The following TRIM24 variants were observed in gnomAD, a reference collection of about 807,000 sequenced individuals.
TRIM24 encodes the protein transcription intermediary factor 1-alpha.
In TRIM24, 29 loss-of-function variants were observed where a neutral mutation model predicts 123.9. The ratio of observed to expected loss-of-function variants is 0.23; its 90% confidence interval spans 0.17 to 0.32. TRIM24 has a LOEUF of 0.32. TRIM24 is among the 10% of genes least tolerant of loss of function. The probability of loss-of-function intolerance (pLI) is 1.00; values close to 1 mark genes in which losing one functional copy is unlikely to be tolerated. For synonymous variants in TRIM24, 456 were observed against 461.1 expected, an observed-to-expected ratio of 0.99 and a Z score of 0.14; for missense variants, 932 against 1,295.3, an observed-to-expected ratio of 0.72 and a Z score of 4.31.
intron 1 of TRIM24, among the ~76,000 whole-genome samples, chr7:138,488,850 G>A (rs1170208587): frequency 6.6e-6 from 1 of 152,180 alleles, no homozygotes; most frequent in Non-Finnish European, 1.5e-5. Context: ...GAGTTCTGTA[G>A]ATGTCTCTTA....
intron 18 of TRIM24, among the ~76,000 whole-genome samples, chr7:138,584,376 C>G (rs1193410341): frequency 1.3e-5 from 2 of 152,184 alleles, no homozygotes; most frequent in Admixed American, 6.5e-5. Context: ...ATCAGTCAGA[C>G]TTAGAACCTT....
chr7:138,490,429 G>A (rs749003910), intron 1 of TRIM24, among the ~76,000 whole-genome samples: 7 of 152,136 alleles, frequency 4.6e-5, no homozygotes, highest in Non-Finnish European at 7.3e-5. Context: ...GAGAAGAGGC[G>A]CTCTGGTTTT....
At chr7:138,508,883 C>T (rs953976944) in intron 2 of TRIM24, among the ~76,000 whole-genome samples, 37 of 151,986 alleles carry the variant, frequency 2.4e-4, no homozygotes, top group East Asian at 1.9e-4. Context: ...CAGTATGGTA[C>T]GGTGGGTGCT....
intron 9 of TRIM24, among the ~76,000 whole-genome samples, chr7:138,566,119 A>G (rs552138798): frequency 1.3e-5 from 2 of 152,210 alleles, no homozygotes; most frequent in East Asian, 3.9e-4. Context: ...GTACAGGGAA[A>G]CTTGTTTTTC....
At chr7:138,558,112 C>T (rs911118825) in intron 9 of TRIM24, among the ~76,000 whole-genome samples, 6 of 152,140 alleles carry the variant, frequency 3.9e-5, no homozygotes, top group African/African-American at 9.7e-5. Context: ...GGCAGCTGCC[C>T]ATATGCCCAT....
intron 16 of TRIM24, among the ~76,000 whole-genome samples, 186 bp downstream of exon 16, chr7:138,580,880 GAATT>G (rs1284999299): frequency 2.6e-5 from 4 of 151,890 alleles, no homozygotes; most frequent in African/African-American, 9.7e-5. Flanking sequence ...AAAAATCACA[GAATT>G]AATGCATGTA....
At chr7:138,496,204 G>A (rs939973039) in intron 1 of TRIM24, among the ~76,000 whole-genome samples, 6 of 152,170 alleles carry the variant, frequency 3.9e-5, no homozygotes, top group East Asian at 1.9e-4. Context: ...AATCTCAACT[G>A]TGTTGAGTCT....
chr7:138,507,018 C>T (rs10237720), intron 2 of TRIM24, among the ~76,000 whole-genome samples: 3 of 152,026 alleles, frequency 2.0e-5, no homozygotes, highest in East Asian at 1.9e-4. Flanking sequence ...CTTTCACAGA[C>T]ATCATGATAA....
Position 138,568,379 on chromosome 7 carries a change from C to CTTTTTTTTTT in TRIM24, c.1704+746_1704+755dup, listed in dbSNP as rs60386130. The stretch of plus-strand genomic sequence containing the variant: ...CTCGTAAGCCACCGTACCTGGCCTC[C>CTTTTTTTTTT]TTTTTTTTTTTTTTTTTTTTTTTTT... On this transcript the variant is annotated intron_variant, in intron 10 of 18. Coordinates refer to ENST00000343526, the MANE Select transcript of TRIM24 (RefSeq NM_015905.3). 3.9e-3 allele frequency among the ~76,000 whole-genome samples: 268 copies of CTTTTTTTTTT among 68,690 alleles called. 26 individuals carry two copies. Among genetic ancestry groups the CTTTTTTTTTT allele is most frequent in the East Asian group, 0.027 (43 of 1,610 alleles). 45.1% of individuals were successfully genotyped at this position (68,690 alleles called of 152,430 possible). A position where few individuals can be genotyped will look rare whatever the true frequency, so the allele number is the denominator to read the frequency against.
rs1398993648 is a variant in TRIM24 at position 138,460,728 on chromosome 7, C to T, written c.180C>T (p.His60=). 6.4e-7 allele frequency: 1 copy of T among 1,573,584 alleles called. No individual in the cohort carries two copies. The change falls in exon 1 of 19, where the codon CAC becomes CAT. Residue 60 remains histidine, a synonymous_variant. Coordinates refer to ENST00000343526, the MANE Select transcript of TRIM24 (RefSeq NM_015905.3). ...TGTTGGACACTTGCGCCGTGTGCCA[C>T]CAGAACATCCAGAGCCGGGCGCCCA... ...LNLLDTCAVC[H]QNIQSRAPKL...
At chr7:138,538,918 A>G (rs902214524) in intron 7 of TRIM24, 115 bp downstream of exon 7, 2 of 916,218 alleles carry the variant, frequency 2.2e-6, no homozygotes, top group Non-Finnish European at 3.0e-6. Flanking sequence ...CCTATTTCTA[A>G]TATCTATCAA....
Position 138,525,057 on chromosome 7 carries a change from A to G in TRIM24, c.765-184A>G, listed in dbSNP as rs537502249. 3.9e-4 allele frequency among the ~76,000 whole-genome samples: 59 copies of G among 152,252 alleles called. No homozygotes were observed. The Middle Eastern group carries it at 0.01, about 26-fold the overall frequency. ...CTTTCAAAATATTTATGTGTCCATA[A>G]TCTTTCTTGAGGGATAATTTGAGAG... On this transcript the variant is annotated intron_variant, in intron 4 of 18. Coordinates refer to ENST00000343526, the MANE Select transcript of TRIM24 (RefSeq NM_015905.3).
chr7:138,539,292 C>G (rs1796954490), intron 7 of TRIM24, among the ~76,000 whole-genome samples: 1 of 151,878 alleles, frequency 6.6e-6, no homozygotes, highest in Admixed American at 6.6e-5. Context: ...AGCCTGTGTT[C>G]TTCTTCTTGG....
chr7:138,479,492 A>T (rs952973997), intron 1 of TRIM24, among the ~76,000 whole-genome samples: 2 of 151,214 alleles, frequency 1.3e-5, no homozygotes, highest in African/African-American at 4.9e-5. Flanking sequence ...CCAGCCGTAG[A>T]CTCCTGAGTA....
rs376894859 is a variant in TRIM24, at chr7:138,532,213, A to G, written c.996+2983A>G. ...TTCTTTTGCTGTGTAGAAGCTCTTTAGTTTAATTAGATCCCATTTGTCAAT... is the reference window on the plus strand; with the variant it reads ...TTCTTTTGCTGTGTAGAAGCTCTTTGGTTTAATTAGATCCCATTTGTCAAT... On this transcript the variant is annotated intron_variant, in intron 6 of 18. Coordinates refer to ENST00000343526, the MANE Select transcript of TRIM24 (RefSeq NM_015905.3). 2.0e-4 allele frequency among the ~76,000 whole-genome samples: 31 copies of G among 151,844 alleles called. No individual in the cohort carries two copies. The East Asian group carries it at 5.2e-3, about 26-fold the overall frequency.
rs773213784 is a variant in TRIM24, at chr7:138,573,577, C to T, written c.1949C>T (p.Pro650Leu). ...GATACTAATATAGATCATGGCCAGC[C>T]AAGACCACCCTCAAACAGAACGGTC... is the stretch of plus-strand genomic sequence containing the variant. ...RKDTNIDHGQPRPPSNRTVQS... is the reference protein window; with the variant it reads ...RKDTNIDHGQLRPPSNRTVQS... Residue 650 changes from proline to leucine, a missense_variant, in exon 12 of 19, where the codon CCA becomes CTA. By Grantham distance (98) the Pro-to-Leu change is moderately conservative. This residue lies in a region of TRIM24 where 527 missense variants were observed against 691.3 expected (regional missense o/e 0.76). Coordinates refer to ENST00000343526, the MANE Select transcript of TRIM24 (RefSeq NM_015905.3). 3 of 1,614,010 alleles carry T rather than the reference C, an allele frequency of 1.9e-6. No homozygotes were observed. The South Asian group carries it at 3.3e-5, about 18-fold the overall frequency.
rs1455694149 is a variant in TRIM24, at chr7:138,571,129, A to G, written c.1878+126A>G. 3 of 947,484 alleles carry G rather than the reference A, an allele frequency of 3.2e-6. No individual in the cohort carries two copies. The East Asian group carries it at 7.5e-5, about 24-fold the overall frequency. The allele number at this position is 947,484 out of a possible 1,614,324, so 58.7% of individuals were successfully genotyped here. A position where few individuals can be genotyped will look rare whatever the true frequency, so the allele number is the denominator to read the frequency against. On this transcript the variant is annotated intron_variant, in intron 11 of 18. Transcript: ENST00000343526. ...CAGATTACTTGAGGTCAGGAGTTCG[A>G]GACTAGCCTGGCCAACATGGTGAAA...
At position 138,581,777 on chromosome 7, in the gene TRIM24, T is replaced by C. The variant is rs991105845; in HGVS notation, c.2793+6T>C. The C allele has an allele frequency of 6.2e-7, 1 of 1,608,294 alleles. No individual in the cohort carries two copies. The highest frequency in any genetic ancestry group is 1.1e-5 in the South Asian group (1 of 90,506). ...AAGACCCTGTTCCTCTAACTGTAAG[T>C]ATTAATGTCATTTTCTGCATGTTTA... On this transcript the variant is annotated splice_donor_region_variant and intron_variant, in intron 17 of 18. Coordinates refer to ENST00000343526, the MANE Select transcript of TRIM24 (RefSeq NM_015905.3).
At chr7:138,490,962 T>C in intron 1 of TRIM24, 1 of 311,072 alleles carries the variant, frequency 3.2e-6, no homozygotes, top group Non-Finnish European at 6.2e-6. Context: ...ACAGAACAAA[T>C]GAAACAAGTA....
Sources: allele counts gnomAD v4.1 joint callset (sites outside exome capture counted in the v4.1 genomes callset), GRCh38; gene constraint gnomAD v4.1.1; regional missense constraint gnomAD v4.1.1; transcripts MANE v1.5; gene names NCBI Gene and HGNC (gene_info 2026-07-23, HGNC 2026-07-21).